QTGAL: variants seen among roughly 807,000 people sequenced by gnomAD.
QTGAL encodes BGnT-like protein 1.
chr17:82,973,171 G>A, the QTGAL span, among the ~76,000 whole-genome samples: 1 of 152,096 alleles, frequency 6.6e-6, no homozygotes, highest in Non-Finnish European at 1.5e-5. Context: ...ACTGTACCGA[G>A]ACCAAAGGAA....
the QTGAL span, among the ~76,000 whole-genome samples, chr17:82,969,486 G>A: frequency 1.3e-5 from 2 of 152,138 alleles, no homozygotes; most frequent in African/African-American, 4.8e-5. Context: ...TGGGATTACA[G>A]GCGTGAGCCA....
chr17:82,946,569 A>AGTGTGTGT, the QTGAL span, among the ~76,000 whole-genome samples: 362 of 150,298 alleles, frequency 2.4e-3, 2 homozygotes, highest in Middle Eastern at 0.017. Context: ...ACAGAACCCA[A>AGTGTGTGT]GTGTGTGTGT....
the QTGAL span, among the ~76,000 whole-genome samples, chr17:82,976,610 C>G: frequency 2.7e-5 from 2 of 74,298 alleles, no homozygotes; most frequent in South Asian, 4.5e-4. Context: ...CTCCATCCTC[C>G]CAGGGACCAG....
the QTGAL span, among the ~76,000 whole-genome samples, chr17:82,968,758 T>C: frequency 0.81 from 123,524 of 151,968 alleles, 50,289 homozygotes; most frequent in East Asian, 0.88. Context: ...CCAGCACTTT[T>C]GGAGGCTGAG....
At chr17:82,980,237 CTT>C in the QTGAL span, among the ~76,000 whole-genome samples, 8 of 152,110 alleles carry the variant, frequency 5.3e-5, no homozygotes, top group African/African-American at 1.9e-4. Context: ...AAATTAGAAA[CTT>C]TTGTTCTGTG....
the QTGAL span, among the ~76,000 whole-genome samples, chr17:82,983,683 G>A: frequency 6.6e-5 from 10 of 152,370 alleles, no homozygotes; most frequent in South Asian, 1.7e-3. Flanking sequence ...CAGATGCTCC[G>A]TGGGGGCAGC....
At chr17:82,982,533 C>CGG in the QTGAL span, among the ~76,000 whole-genome samples, 2 of 152,094 alleles carry the variant, frequency 1.3e-5, no homozygotes, top group African/African-American at 2.4e-5. Flanking sequence ...AAGGGCCTCA[C>CGG]AGAGAGCCTT....
At chr17:82,962,375 A>G in the QTGAL span, among the ~76,000 whole-genome samples, 2 of 152,274 alleles carry the variant, frequency 1.3e-5, no homozygotes, top group Non-Finnish European at 2.9e-5. Flanking sequence ...ATCATGTGTC[A>G]GCCCTGCTAA....
chr17:82,963,313 G>A, the QTGAL span, among the ~76,000 whole-genome samples: 6 of 152,232 alleles, frequency 3.9e-5, no homozygotes, highest in South Asian at 2.1e-4. Flanking sequence ...AGCGCCACCC[G>A]CCCTTCTCTA....
chr17:82,942,427 G>GCTTGT, the QTGAL span: 6 of 1,613,964 alleles, frequency 3.7e-6, no homozygotes, highest in Admixed American at 1.7e-5. Flanking sequence ...ACCAGCCTGA[G>GCTTGT]CTTGTCTTGT....
the QTGAL span, chr17:82,946,940 TG>T: frequency 6.4e-7 from 1 of 1,570,214 alleles, no homozygotes; most frequent in Non-Finnish European, 8.6e-7. Flanking sequence ...CTCCTGCAAG[TG>T]CAGTGACCTC....
chr17:83,007,188 G>T, the QTGAL span: 2 of 977,460 alleles, frequency 2.0e-6, no homozygotes, highest in Non-Finnish European at 2.4e-6. Context: ...TTCATATGCT[G>T]CTGAATTCTA....
chr17:82,980,312 T>C, the QTGAL span, among the ~76,000 whole-genome samples: 1 of 152,184 alleles, frequency 6.6e-6, no homozygotes, highest in Non-Finnish European at 1.5e-5. Context: ...TCCTCTGCTC[T>C]CCCACCACAA....
chr17:82,974,309 C>T, the QTGAL span, among the ~76,000 whole-genome samples: 1 of 152,196 alleles, frequency 6.6e-6, no homozygotes, highest in African/African-American at 2.4e-5. Context: ...GGACACTGTG[C>T]GTGACAACCA....
At chr17:82,954,995 G>T in the QTGAL span, among the ~76,000 whole-genome samples, 1 of 152,062 alleles carries the variant, frequency 6.6e-6, no homozygotes, top group Non-Finnish European at 1.5e-5. Flanking sequence ...ATGGATTAAA[G>T]ACTTAAACCT....
chr17:83,010,963 G>C, the QTGAL span, among the ~76,000 whole-genome samples: 1 of 152,264 alleles, frequency 6.6e-6, no homozygotes, highest in Non-Finnish European at 1.5e-5. Flanking sequence ...CTAAGGTGGA[G>C]CACCTGCCCT....
chr17:83,022,663 C>T, the QTGAL span, among the ~76,000 whole-genome samples: 1 of 11,482 alleles, frequency 8.7e-5, no homozygotes, highest in Non-Finnish European at 1.6e-4. Flanking sequence ...GTCCCCGGCC[C>T]ACCTGCACCA....
At chr17:82,977,359 G>A in the QTGAL span, among the ~76,000 whole-genome samples, 1 of 152,122 alleles carries the variant, frequency 6.6e-6, no homozygotes, top group Admixed American at 6.5e-5. Flanking sequence ...CCCACCCACC[G>A]GAGTATTCAG....
At chr17:82,980,213 A>AT in the QTGAL span, among the ~76,000 whole-genome samples, 1 of 152,240 alleles carries the variant, frequency 6.6e-6, no homozygotes, top group Non-Finnish European at 1.5e-5. Context: ...ATATCAATTA[A>AT]TTGGACTTCA....
Sources: gnomAD v4.1 joint callset for allele counts (sites outside exome capture counted in the v4.1 genomes callset) on GRCh38, gnomAD v4.1.1 for gene constraint, MANE v1.5 for transcripts, NCBI Gene and HGNC (gene_info 2026-07-23, HGNC 2026-07-21) for gene names.